CEP128: variants seen among roughly 807,000 people sequenced by gnomAD.
CEP128 encodes the protein centrosomal protein 128kDa.
CEP128 carries 132 observed loss-of-function variants against 156.7 expected under a neutral mutation model. That is an observed-to-expected ratio of 0.84 (90% CI 0.73 to 0.97). The LOEUF is 0.97. Ranked by LOEUF, CEP128 falls within the 50% of genes least tolerant of loss-of-function variation. The pLI is 0.00. For missense variants in CEP128, 1,252 were observed against 1,281.9 expected (o/e 0.98, Z 0.36); for synonymous variants, 469 against 448.9 (o/e 1.04, Z -0.57).
intron 2 of CEP128, among the ~76,000 whole-genome samples, chr14:80,956,871 A>G (rs990208706): frequency 5.3e-5 from 8 of 152,194 alleles, no homozygotes; most frequent in Non-Finnish European, 1.0e-4. Flanking sequence ...TAATTAGTTC[A>G]ATAACCTCCA....
At chr14:80,898,071 T>C (rs1889432144) in intron 7 of CEP128, among the ~76,000 whole-genome samples, 1 of 152,228 alleles carries the variant, frequency 6.6e-6, no homozygotes, top group Non-Finnish European at 1.5e-5. Context: ...TGAGCCACTG[T>C]GCCCGGTCCA....
intron 15 of CEP128, 92 bp from the exon 16 acceptor site, chr14:80,778,138 G>C: frequency 1.9e-6 from 2 of 1,040,782 alleles, no homozygotes; most frequent in Admixed American, 4.6e-5. Context: ...GAAAAACACT[G>C]CAAGATTTCA....
intron 17 of CEP128, among the ~76,000 whole-genome samples, chr14:80,759,885 C>T (rs1170133055): frequency 6.8e-6 from 1 of 146,554 alleles, no homozygotes. Context: ...TATATATGCA[C>T]ATATGTGAGT....
At chr14:80,618,757 T>C (rs946046245) in intron 19 of CEP128, among the ~76,000 whole-genome samples, 12 of 152,214 alleles carry the variant, frequency 7.9e-5, no homozygotes, top group African/African-American at 2.9e-4. Context: ...TCTAAAGCTA[T>C]AGTACCCAAA....
At chr14:80,613,230 T>C (rs954649367) in intron 19 of CEP128, among the ~76,000 whole-genome samples, 4 of 151,726 alleles carry the variant, frequency 2.6e-5, no homozygotes, top group Non-Finnish European at 5.9e-5. Context: ...GTTATGTTAT[T>C]TAAATCACTA....
intron 19 of CEP128, among the ~76,000 whole-genome samples, chr14:80,739,390 T>A (rs943778137): frequency 6.6e-6 from 1 of 152,154 alleles, no homozygotes; most frequent in African/African-American, 2.4e-5. Flanking sequence ...CTTTTGCCCT[T>A]GTTCTTTCCA....
intron 14 of CEP128, among the ~76,000 whole-genome samples, chr14:80,483,051 G>C (rs1206045774): frequency 6.6e-6 from 1 of 152,110 alleles, no homozygotes; most frequent in East Asian, 1.9e-4. Context: ...ATCCTATAGG[G>C]GGTGAAGCAC....
Position 80,796,547 on chromosome 14 carries a change from TA to T in CEP128, c.1210-3438del, listed in dbSNP as rs565139027. 4.6e-5 allele frequency among the ~76,000 whole-genome samples: 7 copies of T among 152,314 alleles called. No homozygotes were observed. The South Asian group carries it at 1.5e-3, about 32-fold the overall frequency. On this transcript the variant is annotated intron_variant, in intron 13 of 24. Coordinates refer to ENST00000555265, the MANE Select transcript of CEP128 (RefSeq NM_152446.5). ...TGCTCATTCTAACTCTCTGCTTCCT[TA>T]ACTTTCATAATACTACTTCTCACTA...
intron 14 of CEP128, among the ~76,000 whole-genome samples, chr14:80,792,184 T>A (rs1041816217): frequency 6.6e-6 from 1 of 152,208 alleles, no homozygotes; most frequent in African/African-American, 2.4e-5. Context: ...TGAAATGCGT[T>A]TTGTTGCTAT....
At chr14:80,938,299 T>A (rs1885944510) in intron 2 of CEP128, among the ~76,000 whole-genome samples, 1 of 143,016 alleles carries the variant, frequency 7.0e-6, no homozygotes, top group Non-Finnish European at 1.5e-5. Flanking sequence ...CAGGCTGGAG[T>A]GCAGTGGCGC....
intron 19 of CEP128, among the ~76,000 whole-genome samples, chr14:80,619,194 T>C (rs1414531785): frequency 6.6e-6 from 1 of 152,140 alleles, no homozygotes; most frequent in African/African-American, 2.4e-5. Flanking sequence ...ACAACCCAAA[T>C]TATGTGAAAT....
intron 19 of CEP128, among the ~76,000 whole-genome samples, chr14:80,594,220 G>T (rs1043875526): frequency 6.6e-6 from 1 of 152,188 alleles, no homozygotes; most frequent in African/African-American, 2.4e-5. Flanking sequence ...AGGCAATGGG[G>T]AAAGGATTCC....
rs560683216 is a variant in CEP128, at chr14:80,626,599, T to C, written c.2807-46176A>G. Among the ~76,000 whole-genome samples, 9 of 150,200 alleles carry C rather than the reference T, an allele frequency of 6.0e-5. No homozygotes were observed. In the South Asian group the frequency reaches 6.3e-4, roughly 11 times the overall value. The stretch of plus-strand genomic sequence containing the variant: ...GGAAGGGGCCACAACCCAAGGAACA[T>C]AGACAACCACTAGAAGCTGAAAAGG... On this transcript the variant is annotated intron_variant, in intron 19 of 24. Transcript: ENST00000555265.
At chr14:80,481,580 T>C (rs1254227358) in intron 14 of CEP128, among the ~76,000 whole-genome samples, 2 of 152,336 alleles carry the variant, frequency 1.3e-5, no homozygotes, top group African/African-American at 2.4e-5. Context: ...CAGAATGTTA[T>C]TGTATACTTC....
At chr14:80,897,071 T>C (rs1326809763) in intron 7 of CEP128, among the ~76,000 whole-genome samples, 1 of 152,228 alleles carries the variant, frequency 6.6e-6, no homozygotes, top group East Asian at 1.9e-4. Flanking sequence ...TCTGAAAATG[T>C]CTCTCTGTAT....
intron 21 of CEP128, among the ~76,000 whole-genome samples, chr14:80,539,351 T>C (rs1030552107): frequency 5.3e-5 from 8 of 152,126 alleles, no homozygotes; most frequent in African/African-American, 1.9e-4. Flanking sequence ...AGGAAAGCAA[T>C]GGGGACAGGA....
At chr14:80,493,344 C>G (rs1887388498), downstream of CEP128, among the ~76,000 whole-genome samples, 2 of 152,152 alleles carry the variant, frequency 1.3e-5, no homozygotes, top group African/African-American at 4.8e-5. Context: ...TTTCCCACCC[C>G]CAACATTCTC....
At chr14:80,567,382 A>T (rs1038406075) in intron 20 of CEP128, among the ~76,000 whole-genome samples, 2 of 152,144 alleles carry the variant, frequency 1.3e-5, no homozygotes, top group African/African-American at 4.8e-5. Flanking sequence ...ATGGGGGTCT[A>T]TTGGTTTGTT....
chr14:80,827,664 T>C (rs1885552550), intron 13 of CEP128, among the ~76,000 whole-genome samples: 1 of 152,194 alleles, frequency 6.6e-6, no homozygotes, highest in South Asian at 2.1e-4. Flanking sequence ...TGAGAATTTC[T>C]ACTATAATTA....
Sources: allele counts gnomAD v4.1 joint callset (sites outside exome capture counted in the v4.1 genomes callset), GRCh38; gene constraint gnomAD v4.1.1; transcripts MANE v1.5; gene names NCBI Gene and HGNC (gene_info 2026-07-23, HGNC 2026-07-21).